Variants in WDR64 observed in about 807,000 individuals in gnomAD.
The protein encoded by WDR64 is WD repeat-containing protein 64.
In WDR64, 112 loss-of-function variants were observed where a neutral mutation model predicts 139.3. That is an observed-to-expected ratio of 0.80 (90% CI 0.69 to 0.94). The LOEUF is 0.94. Among genes scored for constraint, WDR64 ranks in the 40% least tolerant of loss-of-function variants. WDR64 has a pLI of 0.00. For missense variants in WDR64, 1,206 were observed against 1,293.1 expected (o/e 0.93, Z 1.03); for synonymous variants, 444 against 437.7 (o/e 1.01, Z -0.18).
In WDR64 at chr1:241,656,870, T is replaced by TTGTGTGTGTGTGTATGTG. The variant is rs1553359776; in HGVS notation, c.146-3647_146-3646insATGTGTGTGTGTGTGTGT. Among the ~76,000 whole-genome samples, 32 of 86,716 alleles carry TTGTGTGTGTGTGTATGTG rather than the reference T, an allele frequency of 3.7e-4. No homozygotes were observed. The East Asian group carries it at 4.9e-3, about 13-fold the overall frequency. 56.9% of individuals were successfully genotyped at this position (86,716 alleles called of 152,430 possible). ...AAATGTCTCAAGTCTTTGCCAAATG[T>TTGTGTGTGTGTGTATGTG]TGTGTGTGTGTGTGTGTGTGTGTGT... On this transcript the variant is annotated intron_variant, in intron 1 of 27. Transcript: ENST00000437684. This position sits in a 1 kb window ranked among gnomAD's most constrained non-coding sequence, Gnocchi z 4.3.
chr1:241,661,673 C>T (rs976486795), intron 2 of WDR64, among the ~76,000 whole-genome samples: 2 of 152,062 alleles, frequency 1.3e-5, no homozygotes, highest in Non-Finnish European at 2.9e-5. Context: ...AAGTTGAATC[C>T]TGCAGTGCAG....
At chr1:241,668,164 A>C (rs1488406881) in intron 2 of WDR64, among the ~76,000 whole-genome samples, 3 of 152,198 alleles carry the variant, frequency 2.0e-5, no homozygotes, top group Non-Finnish European at 4.4e-5. Context: ...GAATGCTGAA[A>C]GGAAAAGTCA....
chr1:241,690,683 A>G (rs1440444334), intron 8 of WDR64, among the ~76,000 whole-genome samples: 1 of 152,144 alleles, frequency 6.6e-6, no homozygotes, highest in Non-Finnish European at 1.5e-5. Flanking sequence ...ACTTTCTCGG[A>G]CAAACAGAAA....
At chr1:241,675,051 C>T (rs1666446150) in intron 4 of WDR64, among the ~76,000 whole-genome samples, 1 of 98,922 alleles carries the variant, frequency 1.0e-5, no homozygotes, top group Non-Finnish European at 2.1e-5. Flanking sequence ...TCTTTCCTTC[C>T]TTTTCTCCCT....
At chr1:241,791,241 G>C (rs1574099957) in intron 25 of WDR64, among the ~76,000 whole-genome samples, 2 of 152,038 alleles carry the variant, frequency 1.3e-5, no homozygotes, top group African/African-American at 4.8e-5. Flanking sequence ...AGCTGAGATC[G>C]TGCCGCTGCA....
intron 8 of WDR64, among the ~76,000 whole-genome samples, chr1:241,701,634 T>C (rs972254349): frequency 6.6e-6 from 1 of 151,644 alleles, no homozygotes; most frequent in Non-Finnish European, 1.5e-5. Flanking sequence ...AGGAAGTCAG[T>C]TGAGTAGTAA....
At chr1:241,737,972 C>A (rs925271488) in intron 10 of WDR64, among the ~76,000 whole-genome samples, 1 of 152,100 alleles carries the variant, frequency 6.6e-6, no homozygotes. Flanking sequence ...AAAGCTTCCA[C>A]GTAAAATATG....
chr1:241,766,706 A>AG (rs1220898401), intron 16 of WDR64, among the ~76,000 whole-genome samples: 76 of 149,812 alleles, frequency 5.1e-4, no homozygotes, highest in Admixed American at 1.1e-3. Flanking sequence ...CTCAGTATAA[A>AG]AAAAAAAAAA....
At chr1:241,794,802 C>A (rs1234457248) in intron 25 of WDR64, among the ~76,000 whole-genome samples, 1 of 152,056 alleles carries the variant, frequency 6.6e-6, no homozygotes, top group Non-Finnish European at 1.5e-5. Context: ...CCACCGTGCC[C>A]GGCCGCTTTA....
chr1:241,670,999 C>A, intron 2 of WDR64, 75 bp from the exon 3 acceptor site: 2 of 1,058,556 alleles, frequency 1.9e-6, no homozygotes, highest in Non-Finnish European at 1.4e-6. Context: ...TTAAATTCAG[C>A]CAACATGAGA....
At chr1:241,696,634 T>C (rs1369633378) in intron 8 of WDR64, among the ~76,000 whole-genome samples, 1 of 152,114 alleles carries the variant, frequency 6.6e-6, no homozygotes, top group Non-Finnish European at 1.5e-5. Flanking sequence ...CTTCCTGACA[T>C]TGTCCTGGTG....
At chr1:241,691,269 A>G (rs116057684) in intron 8 of WDR64, among the ~76,000 whole-genome samples, 5,097 of 152,314 alleles carry the variant, frequency 0.033, 132 homozygotes, top group Non-Finnish European at 0.047. Flanking sequence ...GAAAAGCAGC[A>G]ATTAATAGAA....
intron 14 of WDR64, among the ~76,000 whole-genome samples, chr1:241,755,940 T>C (rs1347959424): frequency 6.6e-6 from 1 of 152,198 alleles, no homozygotes; most frequent in Non-Finnish European, 1.5e-5. Context: ...TTGGTACTAG[T>C]ACCATGCTGT....
chr1:241,705,060 A>C (rs1231818327), intron 8 of WDR64, among the ~76,000 whole-genome samples: 2 of 152,124 alleles, frequency 1.3e-5, no homozygotes, highest in African/African-American at 4.8e-5. Flanking sequence ...CTACAAAGCA[A>C]GTGCTGACAG....
At chr1:241,767,447 C>T (rs1358734120) in intron 16 of WDR64, among the ~76,000 whole-genome samples, 1 of 151,912 alleles carries the variant, frequency 6.6e-6, no homozygotes, top group Non-Finnish European at 1.5e-5. Flanking sequence ...GGAACGTGTG[C>T]AAGGGCCATG....
At chr1:241,713,413 GGGAAGGAA>G (rs1668265678) in intron 9 of WDR64, among the ~76,000 whole-genome samples, 1 of 109,816 alleles carries the variant, frequency 9.1e-6, no homozygotes, top group African/African-American at 3.2e-5. Context: ...GAGGGAGGAA[GGGAAGGAA>G]GGGAAGGAAG....
intron 13 of WDR64, among the ~76,000 whole-genome samples, chr1:241,748,952 AG>A (rs1669874633): frequency 1.3e-5 from 2 of 149,708 alleles, no homozygotes; most frequent in Admixed American, 1.3e-4. Context: ...AAAAAAAAAA[AG>A]AAAGAAAGAA....
chr1:241,762,111 C>T (rs1657936362), intron 15 of WDR64, among the ~76,000 whole-genome samples: 2 of 152,268 alleles, frequency 1.3e-5, no homozygotes, highest in Middle Eastern at 6.8e-3. Flanking sequence ...TCATAGGAAC[C>T]ACTATCTATG....
rs777715540 is a variant in WDR64, at chr1:241,802,649, T to A, written c.*1434T>A. Among the ~76,000 whole-genome samples the A allele has an allele frequency of 6.6e-6, 1 of 152,118 alleles. No homozygotes were observed. The highest frequency in any genetic ancestry group is 1.5e-5 in the Non-Finnish European group (1 of 68,006). Reference sequence around the variant, plus strand: ...CTTACTTTGAAATGAATCAAAAAAATAAGATGAACTAATGGATAGAGGGAT... The same window carrying A: ...CTTACTTTGAAATGAATCAAAAAAAAAAGATGAACTAATGGATAGAGGGAT... On this transcript the variant is annotated 3_prime_UTR_variant, in exon 28 of 28. Transcript: ENST00000437684.
Sources: gnomAD v4.1 joint callset for allele counts (sites outside exome capture counted in the v4.1 genomes callset) on GRCh38, gnomAD v4.1.1 for gene constraint, Gnocchi (gnomAD v3.1) non-coding constraint, MANE v1.5 for transcripts, NCBI Gene and HGNC (gene_info 2026-07-23, HGNC 2026-07-21) for gene names.